SGCZ: variants seen among roughly 807,000 people sequenced by gnomAD.
SGCZ encodes sarcoglycan zeta.
In SGCZ, 40 loss-of-function variants were observed where a neutral mutation model predicts 41.3. That is an observed-to-expected ratio of 0.97 (90% CI 0.75 to 1.26). The LOEUF (loss-of-function observed/expected upper bound fraction) is 1.26. Ranked by LOEUF, SGCZ falls within the 50% of genes most tolerant of loss-of-function variation. The pLI, the probability that SGCZ is intolerant of heterozygous loss-of-function variation, is 0.00. For missense variants in SGCZ, 552 were observed against 369.8 expected (o/e 1.49, Z -4.04); for synonymous variants, 206 against 137.5 (o/e 1.50, Z -3.49).
intron 1 of SGCZ, among the ~76,000 whole-genome samples, chr8:14,917,437 TAC>T (rs1371100048): frequency 8.5e-5 from 13 of 152,242 alleles, no homozygotes; most frequent in Admixed American, 4.6e-4. Flanking sequence ...TCAAATCTCT[TAC>T]AGTTTAATCA....
chr8:14,393,876 T>A (rs909720320), intron 2 of SGCZ, among the ~76,000 whole-genome samples: 2 of 152,170 alleles, frequency 1.3e-5, no homozygotes, highest in Admixed American at 6.5e-5. Context: ...AAGCGCAGCA[T>A]CTTGGGAGAG....
chr8:14,190,150 C>G (rs1304095310), intron 4 of SGCZ, among the ~76,000 whole-genome samples: 1 of 151,354 alleles, frequency 6.6e-6, no homozygotes, highest in Non-Finnish European at 1.5e-5. Context: ...GTAGCTGGGA[C>G]TACAGGCGCC....
intron 1 of SGCZ, among the ~76,000 whole-genome samples, chr8:14,696,085 A>G (rs1022670925): frequency 6.6e-6 from 1 of 152,056 alleles, no homozygotes; most frequent in South Asian, 2.1e-4. Flanking sequence ...TCATTCATAC[A>G]GTTGTATTTC....
intron 2 of SGCZ, among the ~76,000 whole-genome samples, chr8:14,431,577 T>C (rs1376510690): frequency 1.3e-5 from 2 of 152,174 alleles, no homozygotes; most frequent in African/African-American, 2.4e-5. Context: ...GACTTGAAAC[T>C]ATAAAAATTC....
At chr8:15,217,217 A>G (rs1162269893) in intron 1 of SGCZ, among the ~76,000 whole-genome samples, 2 of 151,950 alleles carry the variant, frequency 1.3e-5, no homozygotes, top group Admixed American at 1.3e-4. Context: ...GGAGATCGAG[A>G]CCATCTTGGC....
chr8:14,389,550 G>A (rs1005798527), intron 2 of SGCZ, among the ~76,000 whole-genome samples: 16 of 150,986 alleles, frequency 1.1e-4, no homozygotes, highest in Admixed American at 4.0e-4. Context: ...CTAAAACAAC[G>A]GAATGTATCA....
intron 1 of SGCZ, among the ~76,000 whole-genome samples, chr8:14,822,865 G>A (rs756554917): frequency 5.3e-5 from 8 of 151,994 alleles, no homozygotes; most frequent in African/African-American, 9.7e-5. Flanking sequence ...ACCAGCGTGT[G>A]CAACATTGTG....
intron 1 of SGCZ, among the ~76,000 whole-genome samples, chr8:14,861,993 C>T (rs569221534): frequency 6.6e-6 from 1 of 151,846 alleles, no homozygotes; most frequent in South Asian, 2.1e-4. Flanking sequence ...GAAAACAGAG[C>T]CAACACCTGA....
At chr8:14,278,461 T>C (rs1249431682) in intron 3 of SGCZ, among the ~76,000 whole-genome samples, 1 of 152,120 alleles carries the variant, frequency 6.6e-6, no homozygotes, top group African/African-American at 2.4e-5. Context: ...GTGACCTCAA[T>C]GGAAAAAGTA....
intron 2 of SGCZ, among the ~76,000 whole-genome samples, chr8:14,363,750 G>T (rs1373629308): frequency 6.6e-6 from 1 of 152,048 alleles, no homozygotes; most frequent in Non-Finnish European, 1.5e-5. Flanking sequence ...TTTACAAATG[G>T]CAGACTGCTT....
intron 1 of SGCZ, among the ~76,000 whole-genome samples, chr8:14,718,887 C>T (rs78430065): frequency 0.35 from 51,322 of 144,754 alleles, 10,950 homozygotes; most frequent in African/African-American, 0.59. Flanking sequence ...TGTTTTAGGG[C>T]ACATGTGCAC....
chr8:14,887,029 T>C (rs34447150), intron 1 of SGCZ, among the ~76,000 whole-genome samples: 11,924 of 151,968 alleles, frequency 0.078, 529 homozygotes, highest in Admixed American at 0.095. Flanking sequence ...GGAAGAAAGG[T>C]GATGCCATTT....
intron 1 of SGCZ, among the ~76,000 whole-genome samples, chr8:14,691,031 AATCAATAAGTTAATAAGTCCT>A (rs1808783100): frequency 6.6e-6 from 1 of 152,188 alleles, no homozygotes; most frequent in Non-Finnish European, 1.5e-5. Flanking sequence ...TACATGAAGG[AATCAATAAGTTAATAAGTCCT>A]ACTATATGTA....
intron 1 of SGCZ, among the ~76,000 whole-genome samples, chr8:15,168,603 C>A (rs926697732): frequency 6.6e-6 from 1 of 152,022 alleles, no homozygotes; most frequent in Non-Finnish European, 1.5e-5. Flanking sequence ...CACTTACCCC[C>A]GGTATCTGCT....
intron 3 of SGCZ, among the ~76,000 whole-genome samples, chr8:14,250,019 T>C (rs897115947): frequency 5.9e-5 from 9 of 152,208 alleles, no homozygotes; most frequent in African/African-American, 1.9e-4. Flanking sequence ...ATAATGTACA[T>C]ACAAATCATC....
At chr8:14,339,039 C>G (rs1356357334) in intron 2 of SGCZ, among the ~76,000 whole-genome samples, 1 of 151,954 alleles carries the variant, frequency 6.6e-6, no homozygotes, top group Admixed American at 6.6e-5. Flanking sequence ...ATATTTCTGC[C>G]AAGTGGGAAG....
intron 1 of SGCZ, among the ~76,000 whole-genome samples, chr8:14,866,158 C>T (rs981788281): frequency 6.6e-6 from 1 of 152,004 alleles, no homozygotes; most frequent in Non-Finnish European, 1.5e-5. Context: ...AAAGCAATAA[C>T]AAGTTTCATA....
At chr8:14,231,606 G>C (rs766846714) in intron 4 of SGCZ, among the ~76,000 whole-genome samples, 4 of 151,194 alleles carry the variant, frequency 2.6e-5, no homozygotes, top group African/African-American at 4.9e-5. Flanking sequence ...CTGTTCATTT[G>C]TCTCCCATCC....
At chr8:14,445,663 C>T (rs1031508054) in intron 2 of SGCZ, among the ~76,000 whole-genome samples, 1 of 152,140 alleles carries the variant, frequency 6.6e-6, no homozygotes, top group Non-Finnish European at 1.5e-5. Flanking sequence ...AACAAGAGCT[C>T]AGGACACATT....
Sources: allele counts gnomAD v4.1 joint callset (sites outside exome capture counted in the v4.1 genomes callset), GRCh38; gene constraint gnomAD v4.1.1; transcripts MANE v1.5; gene names NCBI Gene and HGNC (gene_info 2026-07-23, HGNC 2026-07-21).